Variants in SPAG16 observed in about 807,000 individuals in gnomAD.
SPAG16 encodes the protein sperm-associated antigen 16 protein.
In SPAG16, 86 loss-of-function variants were observed where a neutral mutation model predicts 80.4. That is an observed-to-expected ratio of 1.07 (90% CI 0.90 to 1.28). The LOEUF (loss-of-function observed/expected upper bound fraction) is 1.28. SPAG16 is among the 50% of genes most tolerant of loss of function. The probability of loss-of-function intolerance (pLI) is 0.00; values close to 1 mark genes in which losing one functional copy is unlikely to be tolerated. For synonymous variants in SPAG16, 294 were observed against 265.9 expected, an observed-to-expected ratio of 1.11 and a Z score of -1.03; for missense variants, 870 against 765.3, an observed-to-expected ratio of 1.14 and a Z score of -1.61.
chr2:213,660,678 GC>G (rs1200435826), intron 10 of SPAG16, among the ~76,000 whole-genome samples: 1 of 152,090 alleles, frequency 6.6e-6, no homozygotes, highest in Non-Finnish European at 1.5e-5. Flanking sequence ...ACCCCTTGTG[GC>G]CTCTGGAATG....
chr2:213,475,542 C>T (rs1248869787), intron 9 of SPAG16, among the ~76,000 whole-genome samples: 1 of 152,114 alleles, frequency 6.6e-6, no homozygotes, highest in Non-Finnish European at 1.5e-5. Context: ...TGAAGCATCC[C>T]TCAAATCTCA....
intron 11 of SPAG16, among the ~76,000 whole-genome samples, chr2:213,884,246 A>G (rs1024272632): frequency 3.3e-5 from 5 of 152,086 alleles, no homozygotes; most frequent in African/African-American, 1.2e-4. Flanking sequence ...GAAAGATTTT[A>G]TTTCTCCTTC....
At chr2:213,598,584 T>A (rs2060956700) in intron 10 of SPAG16, among the ~76,000 whole-genome samples, 1 of 152,196 alleles carries the variant, frequency 6.6e-6, no homozygotes, top group African/African-American at 2.4e-5. Flanking sequence ...TTATTAAGAA[T>A]GATCTGACCT....
chr2:213,299,092 T>C (rs1455723048), intron 3 of SPAG16, among the ~76,000 whole-genome samples: 1 of 152,172 alleles, frequency 6.6e-6, no homozygotes, highest in Admixed American at 6.5e-5. Context: ...ATAAACAAGA[T>C]ATATTTTCTT....
chr2:213,997,860 T>G (rs911447669), intron 12 of SPAG16, among the ~76,000 whole-genome samples: 1 of 152,146 alleles, frequency 6.6e-6, no homozygotes, highest in African/African-American at 2.4e-5. Context: ...ACAAGCTTGT[T>G]TTGTAACAAC....
At chr2:213,335,006 T>A (rs2064281359) in intron 5 of SPAG16, among the ~76,000 whole-genome samples, 1 of 152,208 alleles carries the variant, frequency 6.6e-6, no homozygotes, top group African/African-American at 2.4e-5. Context: ...CTATTTTCCA[T>A]GATTATTACA....
At position 213,508,984 on chromosome 2, in the gene SPAG16, A is replaced by ATTTTCTTTTC. The variant is rs71060434; in HGVS notation, c.1070+18909_1070+18918dup. On this transcript the variant is annotated intron_variant, in intron 10 of 15. Transcript: ENST00000331683. ...ACTGTGTTGTTATTTTCTATACAAT[A>ATTTTCTTTTC]TTTTCTTTTCTTTTCTTTTCTTTTT... Among the ~76,000 whole-genome samples the ATTTTCTTTTC allele has an allele frequency of 4.0e-3, 597 of 147,898 alleles. 6 individuals are homozygous for ATTTTCTTTTC. Among genetic ancestry groups the ATTTTCTTTTC allele is most frequent in the African/African-American group, 0.012 (483 of 40,286 alleles).
chr2:213,317,415 G>C (rs776975509), intron 5 of SPAG16, 59 bp downstream of exon 5: 1 of 1,535,594 alleles, frequency 6.5e-7, no homozygotes, highest in South Asian at 1.3e-5. Flanking sequence ...TAAAAGAGTT[G>C]AGTGAAGCTG....
intron 10 of SPAG16, among the ~76,000 whole-genome samples, chr2:213,542,066 T>A (rs758619049): frequency 6.6e-6 from 1 of 152,188 alleles, no homozygotes; most frequent in Non-Finnish European, 1.5e-5. Flanking sequence ...CTATACTTGA[T>A]GTATTAAATT....
intron 10 of SPAG16, among the ~76,000 whole-genome samples, chr2:213,773,054 C>T (rs952202107): frequency 2.0e-5 from 3 of 151,842 alleles, no homozygotes; most frequent in African/African-American, 7.2e-5. Flanking sequence ...ATATTAATCA[C>T]AATTATTTTA....
intron 11 of SPAG16, among the ~76,000 whole-genome samples, chr2:213,894,819 T>C (rs1302648739): frequency 3.3e-5 from 5 of 151,186 alleles, no homozygotes; most frequent in African/African-American, 1.2e-4. Context: ...TGAAACCACA[T>C]CTCTACTAAA....
chr2:214,165,139 A>G (rs1464683319), intron 15 of SPAG16, among the ~76,000 whole-genome samples: 1 of 152,118 alleles, frequency 6.6e-6, no homozygotes, highest in Non-Finnish European at 1.5e-5. Flanking sequence ...CATAAGTTTT[A>G]TTAAATTAGT....
At chr2:214,097,365 C>A (rs1029337854) in intron 13 of SPAG16, among the ~76,000 whole-genome samples, 2 of 151,930 alleles carry the variant, frequency 1.3e-5, no homozygotes, top group African/African-American at 2.4e-5. Flanking sequence ...TAAAAATATA[C>A]GCAGGAATGC....
chr2:213,768,749 A>T (rs1327240625), intron 10 of SPAG16, among the ~76,000 whole-genome samples: 1 of 152,186 alleles, frequency 6.6e-6, no homozygotes, highest in African/African-American at 2.4e-5. Context: ...GAAAGATCTG[A>T]GTTGTGGCTA....
chr2:213,933,182 C>A (rs2078843250), intron 12 of SPAG16, among the ~76,000 whole-genome samples: 1 of 151,738 alleles, frequency 6.6e-6, no homozygotes, highest in South Asian at 2.1e-4. Context: ...GTAGAAAAAT[C>A]AGAAAATAGC....
At chr2:213,562,691 A>G (rs907707560) in intron 10 of SPAG16, among the ~76,000 whole-genome samples, 2 of 151,666 alleles carry the variant, frequency 1.3e-5, no homozygotes, top group African/African-American at 4.9e-5. Context: ...AGATGGTGCT[A>G]TCTTTTCTCT....
intron 5 of SPAG16, among the ~76,000 whole-genome samples, chr2:213,335,864 G>C (rs1326473004): frequency 6.6e-6 from 1 of 152,032 alleles, no homozygotes; most frequent in Non-Finnish European, 1.5e-5. Flanking sequence ...AAAATAGGGT[G>C]TGCTGGGAGG....
chr2:214,099,617 T>C (rs564541855), intron 13 of SPAG16, among the ~76,000 whole-genome samples: 2 of 152,194 alleles, frequency 1.3e-5, no homozygotes, highest in South Asian at 4.1e-4. Flanking sequence ...GGGGATTGTA[T>C]ATGTATGAAC....
chr2:213,961,244 T>C (rs1417771944), intron 12 of SPAG16, among the ~76,000 whole-genome samples: 1 of 152,230 alleles, frequency 6.6e-6, no homozygotes, highest in Admixed American at 6.5e-5. Flanking sequence ...GATATTTGTA[T>C]ATTGCTCATG....
Sources: allele counts gnomAD v4.1 joint callset (sites outside exome capture counted in the v4.1 genomes callset), GRCh38; gene constraint gnomAD v4.1.1; transcripts MANE v1.5; gene names NCBI Gene and HGNC (gene_info 2026-07-23, HGNC 2026-07-21).